The following CDYL2 variants were observed in gnomAD, a reference collection of about 807,000 sequenced individuals.
The protein encoded by CDYL2 is chromodomain Y like 2.
Under a neutral mutation model 49.4 loss-of-function variants are expected in CDYL2, and 23 were observed. The observed-to-expected ratio is 0.47, with a 90% CI of 0.34 to 0.66. CDYL2 has a LOEUF of 0.66. Ranked by LOEUF, CDYL2 falls within the 30% of genes least tolerant of loss-of-function variation. The probability of loss-of-function intolerance (pLI) is 0.01; values close to 1 mark genes in which losing one functional copy is unlikely to be tolerated. For synonymous variants in CDYL2, 360 were observed against 268.8 expected (o/e 1.34, Z -3.32); for missense variants, 678 against 656.4 (o/e 1.03, Z -0.36).
In CDYL2 at chr16:80,615,968, G is replaced by A. The variant is rs373342563; in HGVS notation, c.1008-3132C>T. On this transcript the variant is annotated intron_variant, in intron 4 of 6. Coordinates refer to ENST00000570137, the MANE Select transcript of CDYL2 (RefSeq NM_152342.4). The stretch of plus-strand genomic sequence containing the variant: ...CAGCTCCGATATCTGATCCTTCTGC[G>A]ATGGCGGGGCTGCGTGGGGAAAACT... 1.1e-3 allele frequency among the ~76,000 whole-genome samples: 165 copies of A among 152,258 alleles called. 1 individual carries two copies. The highest frequency in any genetic ancestry group is 3.7e-3 in the African/African-American group (152 of 41,554).
chr16:80,774,637 A>C (rs1192548845), intron 1 of CDYL2, among the ~76,000 whole-genome samples: 1 of 152,192 alleles, frequency 6.6e-6, no homozygotes, highest in Non-Finnish European at 1.5e-5. Flanking sequence ...GTATATAGAG[A>C]TCAAGACATC....
chr16:80,700,050 G>A (rs887053837), intron 1 of CDYL2, among the ~76,000 whole-genome samples: 1 of 152,068 alleles, frequency 6.6e-6, no homozygotes, highest in Non-Finnish European at 1.5e-5. Context: ...TAGTAGAGAC[G>A]GGGTTTCACC....
intron 1 of CDYL2, among the ~76,000 whole-genome samples, chr16:80,724,557 C>A (rs1905105089): frequency 6.6e-6 from 1 of 152,236 alleles, no homozygotes; most frequent in South Asian, 2.1e-4. Flanking sequence ...ATAACACACA[C>A]ATGACACACA....
At chr16:80,650,238 C>T (rs1053670307) in intron 2 of CDYL2, among the ~76,000 whole-genome samples, 2 of 152,114 alleles carry the variant, frequency 1.3e-5, no homozygotes, top group Non-Finnish European at 1.5e-5. Flanking sequence ...GGATTAATAA[C>T]CAGCATATAT....
chr16:80,763,651 A>C (rs75855867), intron 1 of CDYL2, among the ~76,000 whole-genome samples: 1 of 152,304 alleles, frequency 6.6e-6, no homozygotes, highest in African/African-American at 2.4e-5. Flanking sequence ...TCTCATCAGA[A>C]AGGGTAAAAC....
chr16:80,694,147 G>C (rs551969184), intron 1 of CDYL2, among the ~76,000 whole-genome samples: 16 of 152,330 alleles, frequency 1.1e-4, no homozygotes, highest in African/African-American at 3.8e-4. Context: ...GCATTAGTTA[G>C]ATTCTCATAA....
intron 1 of CDYL2, among the ~76,000 whole-genome samples, chr16:80,763,185 G>C (rs947870999): frequency 4.0e-4 from 14 of 34,900 alleles, no homozygotes; most frequent in Admixed American, 1.1e-3. Flanking sequence ...CAACGATTCA[G>C]CATTTGCTAA....
chr16:80,760,500 A>T (rs1439008317), intron 1 of CDYL2, among the ~76,000 whole-genome samples: 1 of 152,196 alleles, frequency 6.6e-6, no homozygotes, highest in Non-Finnish European at 1.5e-5. Flanking sequence ...GATTGTTTAT[A>T]ACACAAAGGA....
chr16:80,642,784 G>A (rs1037399389), intron 2 of CDYL2, among the ~76,000 whole-genome samples: 1 of 152,124 alleles, frequency 6.6e-6, no homozygotes, highest in African/African-American at 2.4e-5. Flanking sequence ...GAACAGTATA[G>A]GGAAAATTGC....
At chr16:80,653,084 G>A (rs1597150364) in intron 2 of CDYL2, among the ~76,000 whole-genome samples, 1 of 152,182 alleles carries the variant, frequency 6.6e-6, no homozygotes, top group Non-Finnish European at 1.5e-5. Context: ...ACTAATGTAA[G>A]ATGTTCATAG....
At chr16:80,710,392 T>TTGAACC (rs1274185319) in intron 1 of CDYL2, among the ~76,000 whole-genome samples, 1 of 152,214 alleles carries the variant, frequency 6.6e-6, no homozygotes, top group African/African-American at 2.4e-5. Context: ...GTCCATATCT[T>TTGAACC]TGAACCAAGT....
chr16:80,613,823 A>G (rs1453936986), intron 4 of CDYL2, among the ~76,000 whole-genome samples: 1 of 152,224 alleles, frequency 6.6e-6, no homozygotes, highest in Non-Finnish European at 1.5e-5. Flanking sequence ...ATTAGAAACT[A>G]TAAGAACTCA....
At chr16:80,783,117 G>A (rs555303393) in intron 1 of CDYL2, among the ~76,000 whole-genome samples, 4 of 151,996 alleles carry the variant, frequency 2.6e-5, no homozygotes, top group Admixed American at 1.3e-4. Flanking sequence ...TAACCAACAG[G>A]ACAGGAGAAA....
chr16:80,755,227 C>A (rs1906269851), intron 1 of CDYL2, among the ~76,000 whole-genome samples: 1 of 152,152 alleles, frequency 6.6e-6, no homozygotes, highest in Non-Finnish European at 1.5e-5. Context: ...GCAGTAGGGA[C>A]TCTAAGAGGC....
intron 2 of CDYL2, among the ~76,000 whole-genome samples, chr16:80,661,334 T>G (rs751355689): frequency 2.4e-4 from 36 of 152,190 alleles, no homozygotes; most frequent in Non-Finnish European, 4.7e-4. Flanking sequence ...GATCTACACC[T>G]GCCCCCACAA....
rs144157735 is a variant in CDYL2, at chr16:80,606,147, C to T, written c.1363-1601G>A. Among the ~76,000 whole-genome samples, 3 of 152,368 alleles carry T rather than the reference C, an allele frequency of 2.0e-5. No homozygotes were observed. In the East Asian group the frequency reaches 5.8e-4, roughly 29 times the overall value. ...TGGGAGGGGCTGCACCCTCACTCCC[C>T]TGCCTGGGCTAGAGGCTGCAGGTGG... is the stretch of plus-strand genomic sequence containing the variant. On this transcript the variant is annotated intron_variant, in intron 6 of 6. Transcript: ENST00000570137.
At chr16:80,761,805 G>A (rs1906539733) in intron 1 of CDYL2, among the ~76,000 whole-genome samples, 1 of 150,932 alleles carries the variant, frequency 6.6e-6, no homozygotes, top group South Asian at 2.1e-4. Flanking sequence ...AACTACTTTG[G>A]ATATTTGAAA....
chr16:80,677,445 C>T (rs969825224), intron 2 of CDYL2, among the ~76,000 whole-genome samples: 12 of 152,186 alleles, frequency 7.9e-5, no homozygotes, highest in Middle Eastern at 3.4e-3. Flanking sequence ...TATCAATAAA[C>T]AAGGAGGTGT....
intron 1 of CDYL2, among the ~76,000 whole-genome samples, chr16:80,771,608 G>C (rs1906907745): frequency 6.6e-6 from 1 of 152,150 alleles, no homozygotes; most frequent in Non-Finnish European, 1.5e-5. Context: ...GTGAGGCTGA[G>C]GCAGGAGAAT....
Sources: gnomAD v4.1 joint callset for allele counts (sites outside exome capture counted in the v4.1 genomes callset) on GRCh38, gnomAD v4.1.1 for gene constraint, MANE v1.5 for transcripts, NCBI Gene and HGNC (gene_info 2026-07-23, HGNC 2026-07-21) for gene names.